The following MOB4 variants were observed in gnomAD, a reference collection of about 807,000 sequenced individuals.
MOB4 encodes MOB family member 4, phocein, also known as MOB-like protein phocein.
MOB4 carries 4 observed loss-of-function variants against 32.2 expected under a neutral mutation model. The observed-to-expected ratio is 0.12, with a 90% CI of 0.06 to 0.28. The LOEUF is 0.28. Among genes scored for constraint, MOB4 ranks in the 10% least tolerant of loss-of-function variants. The pLI, the probability that MOB4 is intolerant of heterozygous loss-of-function variation, is 1.00. For synonymous variants in MOB4, 88 were observed against 88.1 expected, an observed-to-expected ratio of 1.00 and a Z score of 0.01; for missense variants, 158 against 271.2, an observed-to-expected ratio of 0.58 and a Z score of 2.93.
chr2:197,537,745 T>C (rs2086826835), intron 3 of MOB4, among the ~76,000 whole-genome samples: 1 of 152,196 alleles, frequency 6.6e-6, no homozygotes, highest in Non-Finnish European at 1.5e-5. Context: ...CTTTGCTTTA[T>C]TTTTATCAGC....
At chr2:197,525,986 A>G (rs80201363) in intron 2 of MOB4, among the ~76,000 whole-genome samples, 5,485 of 152,262 alleles carry the variant, frequency 0.036, 183 homozygotes, top group Admixed American at 0.086. Context: ...TACGAGACCC[A>G]TGTCATATAA....
chr2:197,537,072 G>A (rs1250078856), intron 3 of MOB4, among the ~76,000 whole-genome samples: 3 of 152,116 alleles, frequency 2.0e-5, no homozygotes, highest in African/African-American at 7.2e-5. Context: ...ATTACTTCCA[G>A]TTCCTAGTCT....
intron 1 of MOB4, 54 bp downstream of exon 1, chr2:197,516,200 C>T (rs1391321581): frequency 6.4e-7 from 1 of 1,552,170 alleles, no homozygotes; most frequent in Non-Finnish European, 8.7e-7. Context: ...CAGTGCTGCG[C>T]CCGGAAGCTG....
At chr2:197,534,133 C>T (rs905183071) in intron 2 of MOB4, among the ~76,000 whole-genome samples, 12 of 152,074 alleles carry the variant, frequency 7.9e-5, no homozygotes, top group African/African-American at 2.9e-4. Flanking sequence ...TGGTTCAGTA[C>T]TAAATATGTG....
intron 6 of MOB4, among the ~76,000 whole-genome samples, chr2:197,549,228 A>T: frequency 6.6e-6 from 1 of 151,270 alleles, no homozygotes; most frequent in African/African-American, 2.4e-5. Flanking sequence ...AACTGTCTCA[A>T]AAAAAAAAGA....
At chr2:197,516,172 G>C (rs1478624711) in intron 1 of MOB4, 26 bp downstream of exon 1, 1 of 1,585,840 alleles carries the variant, frequency 6.3e-7, no homozygotes, top group Admixed American at 1.8e-5. Flanking sequence ...TTTTCTTGTC[G>C]GGCAACTAGG....
At position 197,542,699 on chromosome 2, in the gene MOB4, A is replaced by G. The variant is rs146977279; in HGVS notation, c.354+2262A>G. On this transcript the variant is annotated intron_variant, in intron 5 of 7. Transcript: ENST00000323303. ...TCACTTGCAGTAGCATTATGATTAT[A>G]TATTTGGAAAAATATAATACATAAA... Among the ~76,000 whole-genome samples the G allele has an allele frequency of 8.7e-4, 132 of 152,350 alleles. 1 individual carries two copies. The Middle Eastern group carries it at 0.01, about 12-fold the overall frequency.
Position 197,550,816 on chromosome 2 carries a change from G to C in MOB4, c.*170G>C. The C allele has an allele frequency of 1.4e-6, 1 of 719,744 alleles. No homozygotes were observed. Among genetic ancestry groups the C allele is most frequent in the Non-Finnish European group, 2.0e-6 (1 of 507,006 alleles). 44.6% of individuals were successfully genotyped at this position (719,744 alleles called of 1,614,324 possible). On this transcript the variant is annotated 3_prime_UTR_variant, in exon 8 of 8. Coordinates refer to ENST00000323303, the MANE Select transcript of MOB4 (RefSeq NM_015387.5). ...GAAATACTTTTTAAGTTATTCATAA[G>C]CTGTATATTCACCAGTGTGGCACTC... is the stretch of plus-strand genomic sequence containing the variant.
At position 197,540,282 on chromosome 2, in the gene MOB4, A is replaced by T. The variant is rs1167305123; in HGVS notation, c.268-69A>T. On this transcript the variant is annotated intron_variant, in intron 4 of 7. Transcript: ENST00000323303. Reference sequence around the variant, plus strand: ...TTCTTCTAGAATTTATTATGGAAATATAGTAACCTAAATGATAAGCTTTTT... The same window carrying T: ...TTCTTCTAGAATTTATTATGGAAATTTAGTAACCTAAATGATAAGCTTTTT... 1.8e-5 allele frequency: 26 copies of T among 1,474,088 alleles called. No homozygotes were observed. The South Asian group carries it at 3.5e-4, about 20-fold the overall frequency. 91.3% of individuals were successfully genotyped at this position (1,474,088 alleles called of 1,614,324 possible).
intron 7 of MOB4, 30 bp from the exon 8 acceptor site, chr2:197,550,485 A>G (rs1559326714): frequency 6.3e-7 from 1 of 1,580,748 alleles, no homozygotes; most frequent in Non-Finnish European, 8.6e-7. Flanking sequence ...ATAGTGAATT[A>G]AAATAACATT....
At chr2:197,542,981 G>A (rs1559323431) in intron 5 of MOB4, among the ~76,000 whole-genome samples, 1 of 151,296 alleles carries the variant, frequency 6.6e-6, no homozygotes, top group East Asian at 2.0e-4. Context: ...AGTCAAAATT[G>A]AAATATGCTG....
At chr2:197,540,019 G>A in intron 3 of MOB4, 92 bp from the exon 4 acceptor site, 1 of 1,368,036 alleles carries the variant, frequency 7.3e-7, no homozygotes, top group Non-Finnish European at 9.9e-7. Context: ...GAGGAGGGAT[G>A]ATACTGATGG....
intron 7 of MOB4, 62 bp downstream of exon 7, chr2:197,550,448 A>T: frequency 6.3e-7 from 1 of 1,587,582 alleles, no homozygotes; most frequent in Non-Finnish European, 8.6e-7. Flanking sequence ...ATATATATTG[A>T]TGTTATTTCT....
chr2:197,529,340 TTTTTA>T (rs1190047616), intron 2 of MOB4, among the ~76,000 whole-genome samples: 2 of 151,808 alleles, frequency 1.3e-5, no homozygotes, highest in African/African-American at 4.8e-5. Context: ...CACATTTTTA[TTTTTA>T]TTTTATTTAT....
chr2:197,534,927 C>T (rs1307635164), intron 2 of MOB4, among the ~76,000 whole-genome samples: 3 of 152,222 alleles, frequency 2.0e-5, no homozygotes, highest in South Asian at 4.1e-4. Flanking sequence ...CCTCTCTGCC[C>T]TCAAGCCCTA....
At chr2:197,536,054 A>G (rs896082319) in intron 3 of MOB4, among the ~76,000 whole-genome samples, 2 of 151,852 alleles carry the variant, frequency 1.3e-5, no homozygotes, top group Middle Eastern at 3.2e-3. Flanking sequence ...GTGTGCCAGC[A>G]TGCCTCACTA....
Position 197,550,578 on chromosome 2 carries a change from G to T in MOB4, c.610G>T (p.Asp204Tyr). 6.2e-7 allele frequency: 1 copy of T among 1,609,594 alleles called. No homozygotes were observed. The highest frequency in any genetic ancestry group is 1.1e-5 in the South Asian group (1 of 89,630). The change falls in exon 8 of 8, where the codon GAT becomes TAT. Residue 204 changes from aspartate to tyrosine, a missense_variant. Around this residue, in one of 6 missense-constraint regions of MOB4, gnomAD observed 45 missense variants for 65.6 expected, o/e 0.69. Coordinates refer to ENST00000323303, the MANE Select transcript of MOB4 (RefSeq NM_015387.5). ...GATGAAATACAATTTGATGTCCAAGGATAACCTGATTGTACCAATTTTAGA... is the reference window on the plus strand; with the variant it reads ...GATGAAATACAATTTGATGTCCAAGTATAACCTGATTGTACCAATTTTAGA... ...FVMKYNLMSK[D>Y]NLIVPILEEE... is the part of the protein sequence containing the mutation.
At chr2:197,523,800 G>C (rs187543341) in intron 2 of MOB4, 114 bp downstream of exon 2, 1 of 985,498 alleles carries the variant, frequency 1.0e-6, no homozygotes, top group Admixed American at 3.6e-5. Flanking sequence ...CCAATAAAGC[G>C]TGCTCTTTCA....
At chr2:197,533,754 A>T in intron 2 of MOB4, 4 of 360,616 alleles carry the variant, frequency 1.1e-5, no homozygotes, top group Non-Finnish European at 1.6e-5. Flanking sequence ...AAAGTATTTG[A>T]TCCCTTTCCC....
Sources: gnomAD v4.1 joint callset for allele counts (sites outside exome capture counted in the v4.1 genomes callset) on GRCh38, gnomAD v4.1.1 for gene constraint, gnomAD v4.1.1 regional missense constraint, MANE v1.5 for transcripts, NCBI Gene and HGNC (gene_info 2026-07-23, HGNC 2026-07-21) for gene names.